SMYD3: variants seen among roughly 807,000 people sequenced by gnomAD.
The protein encoded by SMYD3 is SET and MYND domain containing 3.
In SMYD3, 36 loss-of-function variants were observed where a neutral mutation model predicts 57.7. The observed-to-expected ratio is 0.62, with a 90% confidence interval of 0.48 to 0.82. SMYD3 has a LOEUF of 0.82. Ranked by LOEUF, SMYD3 falls within the 40% of genes least tolerant of loss-of-function variation. SMYD3 has a pLI of 0.00. For synonymous variants in SMYD3, 211 were observed against 195.0 expected (o/e 1.08, Z -0.68); for missense variants, 515 against 538.8 (o/e 0.96, Z 0.44).
intron 5 of SMYD3, among the ~76,000 whole-genome samples, chr1:246,282,490 G>A (rs1293106353): frequency 6.6e-6 from 1 of 150,904 alleles, no homozygotes; most frequent in East Asian, 1.9e-4. Flanking sequence ...TAGGCAACAG[G>A]GCAAGACCCT....
At chr1:246,224,138 A>C (rs2063295165) in intron 5 of SMYD3, among the ~76,000 whole-genome samples, 1 of 152,072 alleles carries the variant, frequency 6.6e-6, no homozygotes, top group South Asian at 2.1e-4. Context: ...CTGTCCTCAT[A>C]AAGCTCAGAG....
intron 10 of SMYD3, 77 bp from the exon 11 acceptor site, chr1:245,764,226 G>A: frequency 3.2e-6 from 3 of 946,460 alleles, no homozygotes; most frequent in Non-Finnish European, 5.1e-6. Context: ...GACTACGAAA[G>A]TGGAAGCAGA....
chr1:245,812,148 G>A (rs145965041), intron 10 of SMYD3, among the ~76,000 whole-genome samples: 4 of 152,312 alleles, frequency 2.6e-5, no homozygotes, highest in Middle Eastern at 3.4e-3. Context: ...ACGTGTGTGG[G>A]CAACTCACTT....
rs1412759362 is a variant in SMYD3, at chr1:246,355,107, A to T, written c.165-13T>A. On this transcript the variant is annotated splice_polypyrimidine_tract_variant and intron_variant, in intron 1 of 11. Coordinates refer to ENST00000490107, the MANE Select transcript of SMYD3 (RefSeq NM_001167740.2). The surrounding 1 kb of genome is among the most constrained non-coding windows in gnomAD (Gnocchi z 5.0). ...CAGCTTTTCCTTCCTGTGGGGAAAA[A>T]AATTAATTCTGCATTAAGAAATGAG... 1 of 1,613,784 alleles carries T rather than the reference A, an allele frequency of 6.2e-7. No homozygotes were observed. Among genetic ancestry groups the T allele is most frequent in the East Asian group, 2.2e-5 (1 of 44,872 alleles).
At chr1:246,427,319 G>C (rs2067232873) in intron 1 of SMYD3, among the ~76,000 whole-genome samples, 1 of 151,648 alleles carries the variant, frequency 6.6e-6, no homozygotes, top group African/African-American at 2.4e-5. Context: ...AGGAGATCGA[G>C]ACCATCCCGG....
chr1:246,031,615 T>C (rs972562964), intron 5 of SMYD3, among the ~76,000 whole-genome samples: 3 of 151,898 alleles, frequency 2.0e-5, no homozygotes, highest in African/African-American at 7.3e-5. Flanking sequence ...CGGGCGCCTG[T>C]AGTCCCAGCT....
At chr1:245,833,059 C>CAAAAAAAAAAAAA (rs35215737) in intron 10 of SMYD3, among the ~76,000 whole-genome samples, 1 of 40,842 alleles carries the variant, frequency 2.4e-5, no homozygotes, top group African/African-American at 6.3e-5. Flanking sequence ...GAATATGTGA[C>CAAAAAAAAAAAAA]AAAAAAAAAA....
intron 8 of SMYD3, among the ~76,000 whole-genome samples, chr1:245,908,327 C>T (rs564421948): frequency 6.6e-6 from 1 of 152,262 alleles, no homozygotes; most frequent in African/African-American, 2.4e-5. Context: ...TATATGCGCC[C>T]AAACTGGAGC....
chr1:246,422,624 G>A (rs139277492), intron 1 of SMYD3, among the ~76,000 whole-genome samples: 10 of 152,202 alleles, frequency 6.6e-5, no homozygotes, highest in African/African-American at 1.4e-4. Flanking sequence ...GTTTCGCCAC[G>A]TTAGCCAGGC....
chr1:246,027,985 A>G (rs1302427653), intron 5 of SMYD3, among the ~76,000 whole-genome samples: 2 of 152,308 alleles, frequency 1.3e-5, no homozygotes, highest in East Asian at 1.9e-4. Context: ...GTTGATTCCA[A>G]TCCTCATGGA....
At chr1:246,273,553 C>T (rs537430900) in intron 5 of SMYD3, among the ~76,000 whole-genome samples, 19 of 145,574 alleles carry the variant, frequency 1.3e-4, no homozygotes, top group Non-Finnish European at 2.9e-4. Context: ...TTTTCAAGAA[C>T]GCAGCTTTTG....
At chr1:246,409,535 C>A (rs1274750026) in intron 1 of SMYD3, among the ~76,000 whole-genome samples, 4 of 151,964 alleles carry the variant, frequency 2.6e-5, no homozygotes, top group Admixed American at 6.6e-5. Flanking sequence ...ATTGGTCTAT[C>A]TCTCTGTTTT....
rs553467825 is a variant in SMYD3 at position 246,245,281 on chromosome 1, A to T, written c.531+81920T>A. The stretch of plus-strand genomic sequence containing the variant: ...AACATGGCAAGACCCTGTCTCTAGT[A>T]AAAACACAAACATTAGCTAAGTGTG... On this transcript the variant is annotated intron_variant, in intron 5 of 11. Coordinates refer to ENST00000490107, the MANE Select transcript of SMYD3 (RefSeq NM_001167740.2). Among the ~76,000 whole-genome samples, 168 of 152,226 alleles carry T rather than the reference A, an allele frequency of 1.1e-3. 1 individual carries two copies. Among genetic ancestry groups the T allele is most frequent in the South Asian group, 5.0e-3 (24 of 4,814 alleles).
At chr1:246,101,665 CT>C in intron 5 of SMYD3, among the ~76,000 whole-genome samples, 1 of 152,108 alleles carries the variant, frequency 6.6e-6, no homozygotes, top group Non-Finnish European at 1.5e-5. Context: ...CGGTTAGGTT[CT>C]TGTTCTCAAG....
chr1:246,177,921 T>C (rs2062461331), intron 5 of SMYD3, among the ~76,000 whole-genome samples: 1 of 152,172 alleles, frequency 6.6e-6, no homozygotes, highest in Admixed American at 6.5e-5. Flanking sequence ...ACAGCAGGCT[T>C]AGGGAGGTGC....
intron 1 of SMYD3, among the ~76,000 whole-genome samples, chr1:246,476,638 C>T (rs1385634593): frequency 6.6e-6 from 1 of 152,096 alleles, no homozygotes; most frequent in African/African-American, 2.4e-5. Flanking sequence ...AATACAGAAC[C>T]AAGGGGCTGC....
intron 10 of SMYD3, among the ~76,000 whole-genome samples, chr1:245,849,168 A>G (rs1255469153): frequency 1.3e-5 from 2 of 152,212 alleles, no homozygotes. Flanking sequence ...AGTAGATTCT[A>G]GTGGCTCCCT....
chr1:245,915,594 C>T lies in SMYD3; in HGVS notation c.749G>A (p.Arg250Gln), dbSNP rs987211168. ...LDMLMTSEERRKQLRDQYCFE... is the reference protein window; with the variant it reads ...LDMLMTSEERQKQLRDQYCFE... ...GCAGTACTGGTCCCTCAGCTGCTTC[C>T]GGCGCTCCTCACTGGTCATCAGCAT... is the stretch of plus-strand genomic sequence containing the variant. Residue 250 changes from arginine to glutamine, a missense_variant, in exon 8 of 12, where the codon CGG (arginine) becomes CAG (glutamine). Transcript: ENST00000490107. 62 of 1,613,874 alleles carry T rather than the reference C, an allele frequency of 3.8e-5. No homozygotes were observed. The highest frequency in any genetic ancestry group is 5.0e-5 in the Admixed American group (3 of 59,992).
chr1:245,772,089 C>T (rs897157327), intron 10 of SMYD3, among the ~76,000 whole-genome samples: 1 of 152,136 alleles, frequency 6.6e-6, no homozygotes, highest in Non-Finnish European at 1.5e-5. Flanking sequence ...AGAAAAAGAA[C>T]TTGGGTTCCA....
Sources: allele counts gnomAD v4.1 joint callset (sites outside exome capture counted in the v4.1 genomes callset), GRCh38; gene constraint gnomAD v4.1.1; non-coding constraint Gnocchi (gnomAD v3.1); transcripts MANE v1.5; gene names NCBI Gene and HGNC (gene_info 2026-07-23, HGNC 2026-07-21).